The following DPP6 variants were observed in gnomAD, a reference collection of about 807,000 sequenced individuals.
DPP6 encodes the protein dipeptidyl peptidase like 6.
DPP6 carries 69 observed loss-of-function variants against 122.6 expected under a neutral mutation model. The observed-to-expected ratio is 0.56, with a 90% confidence interval of 0.46 to 0.69. The LOEUF (loss-of-function observed/expected upper bound fraction) is 0.69. DPP6 is among the 30% of genes least tolerant of loss of function. The pLI, the probability that DPP6 is intolerant of heterozygous loss-of-function variation, is 0.00. For missense variants in DPP6, 928 were observed against 1,116.9 expected, an observed-to-expected ratio of 0.83 and a Z score of 2.41; for synonymous variants, 418 against 433.1, an observed-to-expected ratio of 0.97 and a Z score of 0.43.
At chr7:154,325,488 C>T (rs1423361195) in intron 1 of DPP6, among the ~76,000 whole-genome samples, 1 of 152,104 alleles carries the variant, frequency 6.6e-6, no homozygotes, top group African/African-American at 2.4e-5. Context: ...CAAGCTGGGT[C>T]TTCATTATTC....
chr7:154,411,087 C>T (rs286846), intron 1 of DPP6, among the ~76,000 whole-genome samples: 22,443 of 152,170 alleles, frequency 0.15, 1,695 homozygotes, highest in South Asian at 0.17. Context: ...CATCCGTCTC[C>T]ACCTTTGCTT....
At chr7:154,634,258 G>A (rs541954573) in intron 5 of DPP6, among the ~76,000 whole-genome samples, 9 of 146,208 alleles carry the variant, frequency 6.2e-5, no homozygotes, top group East Asian at 2.1e-4. Context: ...CAGAACATGC[G>A]GTGTTTGGTT....
intron 1 of DPP6, among the ~76,000 whole-genome samples, chr7:153,966,478 T>C (rs1049838787): frequency 1.4e-5 from 2 of 146,860 alleles, no homozygotes; most frequent in African/African-American, 5.0e-5. Flanking sequence ...CCTCCCGCCT[T>C]GGCCCCTTCT....
chr7:154,240,376 C>T (rs1475336136), intron 1 of DPP6, among the ~76,000 whole-genome samples: 2 of 152,106 alleles, frequency 1.3e-5, no homozygotes, highest in African/African-American at 4.8e-5. Context: ...ACCAGCCTTC[C>T]CTGACTGTGC....
chr7:154,892,602 T>C lies in DPP6; in HGVS notation c.*122T>C, dbSNP rs1806714982. The C allele has an allele frequency of 2.6e-6, 4 of 1,539,618 alleles. No homozygotes were observed. Among genetic ancestry groups the C allele is most frequent in the Non-Finnish European group, 3.5e-6 (4 of 1,144,428 alleles). ...GGGCGGGGCCGGGTGTTCCATAGCA[T>C]GTGTGTCTCGGATGCGGAAGGCAGT... is the stretch of plus-strand genomic sequence containing the variant. On this transcript the variant is annotated 3_prime_UTR_variant, in exon 26 of 26. Coordinates refer to ENST00000377770, the MANE Select transcript of DPP6 (RefSeq NM_130797.4).
At chr7:154,823,122 A>G (rs1444339744) in intron 16 of DPP6, among the ~76,000 whole-genome samples, 2 of 152,212 alleles carry the variant, frequency 1.3e-5, no homozygotes, top group African/African-American at 4.8e-5. Flanking sequence ...TGCTTCTCAT[A>G]TTGTGAGTAG....
chr7:154,669,538 TTGTGTGTGTG>T (rs3220067), intron 7 of DPP6, 97 bp downstream of exon 7: 79 of 1,198,630 alleles, frequency 6.6e-5, no homozygotes, highest in African/African-American at 1.9e-4. Context: ...GTACATGGTG[TTGTGTGTGTG>T]TGTGTGTGTG....
intron 1 of DPP6, among the ~76,000 whole-genome samples, chr7:154,386,674 C>G (rs958980562): frequency 6.6e-6 from 1 of 152,116 alleles, no homozygotes; most frequent in Non-Finnish European, 1.5e-5. Flanking sequence ...CACTGGATTA[C>G]CCTGTTTCAT....
intron 1 of DPP6, among the ~76,000 whole-genome samples, chr7:154,035,513 AT>A (rs1346438646): frequency 6.6e-6 from 1 of 151,972 alleles, no homozygotes. Flanking sequence ...TCAGAATGCA[AT>A]TTTTTCCTTG....
chr7:154,135,230 G>A (rs1297925976), intron 1 of DPP6, among the ~76,000 whole-genome samples: 1 of 150,092 alleles, frequency 6.7e-6, no homozygotes, highest in South Asian at 2.1e-4. Flanking sequence ...ACTTCTATGA[G>A]CCCATAGATC....
In DPP6 at chr7:154,606,028, AATAC is replaced by A. The variant is rs1239634305; in HGVS notation, c.628-31791_628-31788del. On this transcript the variant is annotated intron_variant, in intron 5 of 25. Transcript: ENST00000377770. ...ATTAGGAATTTTCTTAATTTATTAC[AATAC>A]AATCAAGAGTTTACTCAGTTTGAGA... is the stretch of plus-strand genomic sequence containing the variant. 1.7e-5 allele frequency among the ~76,000 whole-genome samples: 2 copies of A among 120,720 alleles called. 1 individual carries two copies. Among genetic ancestry groups the A allele is most frequent in the Non-Finnish European group, 3.7e-5 (2 of 53,466 alleles). The allele number at this position is 120,720 out of a possible 152,430, so 79.2% of individuals were successfully genotyped here.
intron 1 of DPP6, among the ~76,000 whole-genome samples, chr7:154,034,196 T>A (rs544267582): frequency 4.6e-5 from 7 of 152,322 alleles, no homozygotes; most frequent in Admixed American, 2.6e-4. Context: ...TAATTTTTCA[T>A]CTAAAGATAG....
chr7:154,306,091 G>A (rs1442373559), intron 1 of DPP6, among the ~76,000 whole-genome samples: 2 of 152,200 alleles, frequency 1.3e-5, no homozygotes, highest in Non-Finnish European at 2.9e-5. Context: ...TCCCTCAAGA[G>A]CAAACTGTCC....
At chr7:154,844,088 A>G (rs990880971) in intron 16 of DPP6, among the ~76,000 whole-genome samples, 1 of 152,268 alleles carries the variant, frequency 6.6e-6, no homozygotes, top group Non-Finnish European at 1.5e-5. Flanking sequence ...GTGGAGTCCT[A>G]AGGTTTAGCC....
intron 1 of DPP6, among the ~76,000 whole-genome samples, chr7:153,921,675 A>C (rs1280841595): frequency 6.6e-6 from 1 of 152,216 alleles, no homozygotes; most frequent in East Asian, 1.9e-4. Flanking sequence ...AGTGAGTAAT[A>C]GCAGAGTGAG....
At chr7:153,976,909 A>G (rs1796333946) in intron 1 of DPP6, among the ~76,000 whole-genome samples, 1 of 152,156 alleles carries the variant, frequency 6.6e-6, no homozygotes, top group Non-Finnish European at 1.5e-5. Context: ...AGGAGAGCTC[A>G]GCCTTGCCAC....
intron 5 of DPP6, among the ~76,000 whole-genome samples, chr7:154,590,935 A>G (rs1245818152): frequency 6.6e-6 from 1 of 152,238 alleles, no homozygotes; most frequent in African/African-American, 2.4e-5. Context: ...AGATGGCCAC[A>G]GTCAGTGTCA....
At position 154,587,348 on chromosome 7, in the gene DPP6, A is replaced by G. The variant is rs79991135; in HGVS notation, c.627+20432A>G. The G allele has an allele frequency of 8.2e-4, 359 of 437,418 alleles. 1 individual carries two copies. The highest frequency in any genetic ancestry group is 6.8e-3 in the African/African-American group (342 of 50,314). 27.1% of individuals were successfully genotyped at this position (437,418 alleles called of 1,614,324 possible). ...GACTTAGAACCTTATTCCTCCCCCC[A>G]ACCATTCCCACTGCCTTTGCCTTGA... On this transcript the variant is annotated intron_variant, in intron 5 of 25. Coordinates refer to ENST00000377770, the MANE Select transcript of DPP6 (RefSeq NM_130797.4).
chr7:154,327,284 G>A (rs1808527232), intron 1 of DPP6, among the ~76,000 whole-genome samples: 1 of 152,132 alleles, frequency 6.6e-6, no homozygotes, highest in Admixed American at 6.5e-5. Flanking sequence ...TAGGTAGGAG[G>A]ACCGTATATC....
Sources: gnomAD v4.1 joint callset for allele counts (sites outside exome capture counted in the v4.1 genomes callset) on GRCh38, gnomAD v4.1.1 for gene constraint, MANE v1.5 for transcripts, NCBI Gene and HGNC (gene_info 2026-07-23, HGNC 2026-07-21) for gene names.